Variants in KLHL22 observed in about 807,000 individuals in gnomAD.
KLHL22 encodes kelch like family member 22.
A neutral mutation model predicts 60.7 loss-of-function variants in KLHL22; 18 were observed. That is an observed-to-expected ratio of 0.30 (90% confidence interval 0.20 to 0.44). The LOEUF is 0.44. Among genes scored for constraint, KLHL22 ranks in the 20% least tolerant of loss-of-function variants. KLHL22 has a pLI of 1.00. For missense variants in KLHL22, 596 were observed against 852.3 expected (o/e 0.70, Z 3.74); for synonymous variants, 355 against 354.5 (o/e 1.00, Z -0.01).
intron 2 of KLHL22, among the ~76,000 whole-genome samples, chr22:20,473,857 A>G (rs2053366387): frequency 6.6e-6 from 1 of 152,174 alleles, no homozygotes. Context: ...CCTGGGCAAC[A>G]AGAGTGAAAC....
chr22:20,471,528 GAC>G lies in KLHL22; in HGVS notation c.228-15_228-14del. The stretch of plus-strand genomic sequence containing the variant: ...AGCAAACATTCCTCTGCAAAGTGAA[GAC>G]ACAAGAAAATGGAGTTATACCAACA... On this transcript the variant is annotated splice_polypyrimidine_tract_variant and intron_variant, in intron 2 of 6. Coordinates refer to ENST00000328879, the MANE Select transcript of KLHL22 (RefSeq NM_032775.4). 6.2e-7 allele frequency: 1 copy of G among 1,612,106 alleles called. No individual in the cohort carries two copies. The highest frequency in any genetic ancestry group is 8.5e-7 in the Non-Finnish European group (1 of 1,178,836).
At chr22:20,463,569 G>A (rs1383613880) in intron 4 of KLHL22, among the ~76,000 whole-genome samples, 1 of 152,260 alleles carries the variant, frequency 6.6e-6, no homozygotes, top group Non-Finnish European at 1.5e-5. Flanking sequence ...TCTCAGCAGG[G>A]TGGTCTGGCC....
intron 3 of KLHL22, among the ~76,000 whole-genome samples, chr22:20,470,771 C>CACGG (rs1456568439): frequency 1.4e-4 from 8 of 56,524 alleles, no homozygotes; most frequent in South Asian, 6.2e-4. Flanking sequence ...TGGATGCATG[C>CACGG]ATGGATGGAT....
chr22:20,481,599 T>A (rs939028538), intron 2 of KLHL22, among the ~76,000 whole-genome samples: 9 of 151,964 alleles, frequency 5.9e-5, no homozygotes, highest in Admixed American at 5.2e-4. Flanking sequence ...AAAAAAAAAT[T>A]TTTTTTTCTT....
chr22:20,449,645 AT>A (rs1168326797), intron 5 of KLHL22, among the ~76,000 whole-genome samples: 2 of 152,006 alleles, frequency 1.3e-5, no homozygotes. Flanking sequence ...TGACCTCGTG[AT>A]CCGCTCACTT....
intron 3 of KLHL22, among the ~76,000 whole-genome samples, chr22:20,469,194 C>A (rs1376706113): frequency 1.3e-5 from 2 of 152,064 alleles, no homozygotes; most frequent in African/African-American, 4.8e-5. Flanking sequence ...AGATGGAGGC[C>A]AGGCAAAAGG....
Position 20,446,451 on chromosome 22 carries a change from C to T in KLHL22, c.1531G>A (p.Val511Met), listed in dbSNP as rs201252029. ...CCCCGGGCCCCACTCACCTGGTGCA[C>T]GTCCCTCCTGTATCCGGCATCGTTG... ...SNNDAGYRRD[V>M]HQVACYSCTS... Residue 511 changes from valine (V) to methionine (M), a missense_variant, in exon 6 of 7, where the codon GTG (valine) becomes ATG (methionine). By Grantham distance (21) the Val-to-Met change is conservative (BLOSUM62 1). Coordinates refer to ENST00000328879, the MANE Select transcript of KLHL22 (RefSeq NM_032775.4). The T allele has an allele frequency of 2.4e-5, 39 of 1,601,532 alleles. No individual in the cohort carries two copies. The East Asian group carries it at 2.9e-4, about 12-fold the overall frequency.
chr22:20,486,385 T>C (rs1400563538), intron 2 of KLHL22, among the ~76,000 whole-genome samples: 1 of 152,010 alleles, frequency 6.6e-6, no homozygotes, highest in African/African-American at 2.4e-5. Flanking sequence ...AGTTTGCAAG[T>C]AGCTCCATTG....
At chr22:20,471,285 T>A in intron 3 of KLHL22, 65 bp downstream of exon 3, 2 of 1,503,202 alleles carry the variant, frequency 1.3e-6, no homozygotes, top group Non-Finnish European at 9.1e-7. Context: ...CCGGCAGGCA[T>A]CATGGGCATC....
chr22:20,476,162 C>T (rs1048004096), intron 2 of KLHL22, among the ~76,000 whole-genome samples: 1 of 152,204 alleles, frequency 6.6e-6, no homozygotes, highest in Non-Finnish European at 1.5e-5. Flanking sequence ...AGATCTGGCA[C>T]ATATTTGTTA....
chr22:20,483,832 C>G, intron 2 of KLHL22: 1 of 735,332 alleles, frequency 1.4e-6, no homozygotes, highest in East Asian at 2.6e-5. Context: ...AGGTAGGAGG[C>G]CAGGCGGTCA....
Position 20,441,889 on chromosome 22 carries a change from G to A in KLHL22, c.*184C>T, listed in dbSNP as rs1387181538. ...GTAATCCACAGCCTGGGATCTGCAT[G>A]GCCCTGAGATGCCTGCGGCAGGCTG... On this transcript the variant is annotated 3_prime_UTR_variant, in exon 7 of 7. Transcript: ENST00000328879. The A allele has an allele frequency of 2.0e-5, 10 of 498,268 alleles. No homozygotes were observed. The highest frequency in any genetic ancestry group is 7.9e-5 in the African/African-American group (4 of 50,572). The allele number at this position is 498,268 out of a possible 1,614,324, so 30.9% of individuals were successfully genotyped here.
chr22:20,458,098 A>C, intron 4 of KLHL22, 98 bp from the exon 5 acceptor site: 1 of 1,377,718 alleles, frequency 7.3e-7, no homozygotes, highest in Non-Finnish European at 9.9e-7. Context: ...GCTTTGCCTC[A>C]GCCCAGCCTG....
chr22:20,477,353 T>C (rs1039011095), intron 2 of KLHL22, among the ~76,000 whole-genome samples: 5 of 151,676 alleles, frequency 3.3e-5, no homozygotes, highest in Non-Finnish European at 5.9e-5. Context: ...ATCGCACCAC[T>C]ACTCTGTGAC....
chr22:20,442,245 T>C lies in KLHL22; in HGVS notation c.1733A>G (p.Gln578Arg). Residue 578 changes from glutamine (Q) to arginine (R), a missense_variant, in exon 7 of 7, where the codon CAG becomes CGG. Physicochemically the swap from Gln to Arg is conservative, Grantham distance 43. Transcript: ENST00000328879. Reference sequence around the variant, plus strand: ...CAGGCCTGAGATGGAGTTGTCCAGCTGGGGCCCTTCCTCCCAGCAGTCCTT... The same window carrying C: ...CAGGCCTGAGATGGAGTTGTCCAGCCGGGGCCCTTCCTCCCAGCAGTCCTT... ...VEKDCWEEGP[Q>R]LDNSISGLAA... is the part of the protein sequence containing the mutation. 6.2e-7 allele frequency: 1 copy of C among 1,612,812 alleles called. No individual in the cohort carries two copies. The highest frequency in any genetic ancestry group is 1.1e-5 in the South Asian group (1 of 90,884).
chr22:20,481,762 C>A (rs2053505940), intron 2 of KLHL22, among the ~76,000 whole-genome samples: 1 of 151,998 alleles, frequency 6.6e-6, no homozygotes, highest in Admixed American at 6.6e-5. Context: ...TGCCACTGTG[C>A]CCAGCTAATA....
At chr22:20,456,778 C>T (rs1390492008) in intron 5 of KLHL22, among the ~76,000 whole-genome samples, 1 of 152,224 alleles carries the variant, frequency 6.6e-6, no homozygotes, top group African/African-American at 2.4e-5. Flanking sequence ...GAGCTGGATC[C>T]ATTGAGGAGA....
At chr22:20,482,390 AT>A (rs896635746) in intron 2 of KLHL22, among the ~76,000 whole-genome samples, 61 of 146,518 alleles carry the variant, frequency 4.2e-4, no homozygotes, top group Non-Finnish European at 4.2e-4. Flanking sequence ...CATGAAACCA[AT>A]TTTTTTTTTT....
chr22:20,446,294 A>G (rs2052858818), intron 6 of KLHL22, 149 bp downstream of exon 6: 1 of 648,356 alleles, frequency 1.5e-6, no homozygotes, highest in South Asian at 1.8e-5. Flanking sequence ...TGGAAACTGT[A>G]CCTTCCACTT....
Sources: allele counts gnomAD v4.1 joint callset (sites outside exome capture counted in the v4.1 genomes callset), GRCh38; gene constraint gnomAD v4.1.1; transcripts MANE v1.5; gene names NCBI Gene and HGNC (gene_info 2026-07-23, HGNC 2026-07-21).